The following CDH4 variants were observed in gnomAD, a reference collection of about 807,000 sequenced individuals.
The protein encoded by CDH4 is cadherin-4.
In CDH4, 33 loss-of-function variants were observed where a neutral mutation model predicts 86.0. The ratio of observed to expected loss-of-function variants is 0.38; its 90% CI spans 0.29 to 0.51. CDH4 has a LOEUF of 0.51. CDH4 is among the 20% of genes least tolerant of loss of function. CDH4 has a pLI of 0.86. For synonymous variants in CDH4, 555 were observed against 549.4 expected, an observed-to-expected ratio of 1.01 and a Z score of -0.14; for missense variants, 1,114 against 1,307.4, an observed-to-expected ratio of 0.85 and a Z score of 2.28.
chr20:61,514,045 G>T (rs1226953846), intron 2 of CDH4, among the ~76,000 whole-genome samples: 1 of 152,262 alleles, frequency 6.6e-6, no homozygotes, highest in East Asian at 1.9e-4. Flanking sequence ...TTTAAAGGCA[G>T]GGGCACGTCT....
At chr20:61,453,130 G>A (rs1228363084) in intron 2 of CDH4, among the ~76,000 whole-genome samples, 1 of 152,078 alleles carries the variant, frequency 6.6e-6, no homozygotes, top group Admixed American at 6.5e-5. Flanking sequence ...AAAGGAAGGG[G>A]AAAAAAGCCA....
rs11475967 is a variant in CDH4 at position 61,629,392 on chromosome 20, TAA to T, written c.170-114161_170-114160del. 1.4e-3 allele frequency among the ~76,000 whole-genome samples: 203 copies of T among 149,714 alleles called. 1 individual carries two copies. The highest frequency in any genetic ancestry group is 4.5e-3 in the African/African-American group (184 of 41,028). On this transcript the variant is annotated intron_variant, in intron 2 of 15. Coordinates refer to ENST00000614565, the MANE Select transcript of CDH4 (RefSeq NM_001794.5). ...GAGCTCACTGATGCCAGAAATGAAA[TAA>T]AAAAAAAAATAATTAAGAGCTTGGA... is the stretch of plus-strand genomic sequence containing the variant.
rs1374541292 is a variant in CDH4 at position 61,399,282 on chromosome 20, G to A, written c.169+144345G>A. On this transcript the variant is annotated intron_variant, in intron 2 of 15. Coordinates refer to ENST00000614565, the MANE Select transcript of CDH4 (RefSeq NM_001794.5). ...CGAGTAGCTGGGACTACAGGCGCCCGCCACCATGCCCGGCTAATTTTTTGT... is the reference window on the plus strand; with the variant it reads ...CGAGTAGCTGGGACTACAGGCGCCCACCACCATGCCCGGCTAATTTTTTGT... Among the ~76,000 whole-genome samples, 26 of 107,788 alleles carry A rather than the reference G, an allele frequency of 2.4e-4. 8 individuals carry two copies. The highest frequency in any genetic ancestry group is 4.4e-4 in the Non-Finnish European group (24 of 54,022). 70.7% of individuals were successfully genotyped at this position (107,788 alleles called of 152,430 possible). A position where few individuals can be genotyped will look rare whatever the true frequency, so the allele number is the denominator to read the frequency against.
chr20:61,893,470 G>A (rs547335900), intron 7 of CDH4, among the ~76,000 whole-genome samples: 7 of 149,506 alleles, frequency 4.7e-5, no homozygotes, highest in Admixed American at 1.3e-4. Context: ...ACGGATTGGC[G>A]GATGAGTAGA....
At chr20:61,394,417 G>A (rs537842920) in intron 2 of CDH4, among the ~76,000 whole-genome samples, 2 of 152,264 alleles carry the variant, frequency 1.3e-5, no homozygotes, top group East Asian at 1.9e-4. Context: ...AAAGAAAGTC[G>A]GTTGTTCCCA....
chr20:61,546,553 C>T (rs1383337124), intron 2 of CDH4, among the ~76,000 whole-genome samples: 1 of 151,640 alleles, frequency 6.6e-6, no homozygotes, highest in East Asian at 2.0e-4. Flanking sequence ...TAATGTTTCT[C>T]AGGCAGTTTT....
At chr20:61,600,125 A>G (rs1478479725) in intron 2 of CDH4, 3 of 222,410 alleles carry the variant, frequency 1.3e-5, no homozygotes, top group Non-Finnish European at 2.3e-5. Flanking sequence ...TGAGAATGAA[A>G]TGGGGAAGCC....
intron 4 of CDH4, among the ~76,000 whole-genome samples, chr20:61,836,827 G>C (rs1981902919): frequency 6.6e-6 from 1 of 152,188 alleles, no homozygotes; most frequent in African/African-American, 2.4e-5. Context: ...ACGCTGGACG[G>C]GGTTACAATT....
intron 2 of CDH4, among the ~76,000 whole-genome samples, chr20:61,449,913 T>C (rs1444792565): frequency 6.6e-6 from 1 of 152,256 alleles, no homozygotes; most frequent in East Asian, 1.9e-4. Flanking sequence ...TTTCTTTCAA[T>C]TATCCTATCA....
intron 2 of CDH4, among the ~76,000 whole-genome samples, chr20:61,497,781 A>C (rs1168731569): frequency 6.6e-6 from 1 of 152,166 alleles, no homozygotes; most frequent in Non-Finnish European, 1.5e-5. Context: ...AGCACTATTC[A>C]CAATAGCAAG....
At chr20:61,285,081 T>TTTTGTTTG (rs111577695) in intron 2 of CDH4, among the ~76,000 whole-genome samples, 2 of 149,350 alleles carry the variant, frequency 1.3e-5, no homozygotes, top group African/African-American at 5.0e-5. Context: ...TGTTTTTTTT[T>TTTTGTTTG]TTTGTTTGTT....
At position 61,829,452 on chromosome 20, in the gene CDH4, G is replaced by T. The variant is rs574504957; in HGVS notation, c.577-15216G>T. Among the ~76,000 whole-genome samples, 1 of 152,178 alleles carries T rather than the reference G, an allele frequency of 6.6e-6. No homozygotes were observed. Among genetic ancestry groups the T allele is most frequent in the South Asian group, 2.1e-4 (1 of 4,820 alleles). Reference sequence around the variant, plus strand: ...TTGGGGCTGTTGTCAGTGTGCTGCCGGGCACGTCTGTGTGCAAGGCTTTCT... The same window carrying T: ...TTGGGGCTGTTGTCAGTGTGCTGCCTGGCACGTCTGTGTGCAAGGCTTTCT... On this transcript the variant is annotated intron_variant, in intron 4 of 15. Coordinates refer to ENST00000614565, the MANE Select transcript of CDH4 (RefSeq NM_001794.5). The surrounding 1 kb of genome is among the most constrained non-coding windows in gnomAD (Gnocchi z 4.2).
chr20:61,305,160 T>C (rs2084409727), intron 2 of CDH4, among the ~76,000 whole-genome samples: 1 of 152,142 alleles, frequency 6.6e-6, no homozygotes, highest in Non-Finnish European at 1.5e-5. Context: ...TCATCTCTGA[T>C]GTTGAGCCTG....
intron 3 of CDH4, among the ~76,000 whole-genome samples, chr20:61,752,143 C>T (rs139742144): frequency 1.3e-5 from 2 of 152,206 alleles, no homozygotes; most frequent in African/African-American, 4.8e-5. Flanking sequence ...ACCAGCCTGG[C>T]TAACATGGTG....
intron 2 of CDH4, among the ~76,000 whole-genome samples, chr20:61,297,087 C>T (rs531624007): frequency 1.3e-5 from 2 of 152,266 alleles, no homozygotes; most frequent in African/African-American, 2.4e-5. Context: ...AAGGATCCCT[C>T]TCTTAAAAAG....
intron 2 of CDH4, among the ~76,000 whole-genome samples, chr20:61,590,576 G>A (rs956278805): frequency 6.6e-5 from 10 of 152,320 alleles, no homozygotes; most frequent in African/African-American, 9.6e-5. Context: ...GAAATCAGCA[G>A]ATCGTCCATG....
intron 4 of CDH4, among the ~76,000 whole-genome samples, chr20:61,777,370 T>G (rs1239987101): frequency 3.3e-5 from 5 of 152,262 alleles, no homozygotes; most frequent in Admixed American, 6.5e-5. Flanking sequence ...ACGTTAGCAC[T>G]GCCTGTCCTG....
At chr20:61,898,866 G>T (rs553896266) in intron 8 of CDH4, among the ~76,000 whole-genome samples, 129 of 152,226 alleles carry the variant, frequency 8.5e-4, no homozygotes, top group East Asian at 1.9e-3. Flanking sequence ...CATCCCAGGG[G>T]CATGGAGCTG....
intron 3 of CDH4, among the ~76,000 whole-genome samples, chr20:61,771,042 C>T (rs1332024164): frequency 4.4e-5 from 6 of 135,370 alleles, no homozygotes; most frequent in Non-Finnish European, 6.3e-5. Flanking sequence ...CAGAGTTTCG[C>T]TCTTTTTCCC....
Sources: gnomAD v4.1 joint callset for allele counts (sites outside exome capture counted in the v4.1 genomes callset) on GRCh38, gnomAD v4.1.1 for gene constraint, Gnocchi (gnomAD v3.1) non-coding constraint, MANE v1.5 for transcripts, NCBI Gene and HGNC (gene_info 2026-07-23, HGNC 2026-07-21) for gene names.